ZNF420: variants seen among roughly 807,000 people sequenced by gnomAD.
The protein encoded by ZNF420 is ATM and p53-associated KZNF protein.
A neutral mutation model predicts 44.7 loss-of-function variants in ZNF420; 31 were observed. The observed-to-expected ratio is 0.69, with a 90% CI of 0.52 to 0.94. The LOEUF is 0.94. Among genes scored for constraint, ZNF420 ranks in the 40% least tolerant of loss-of-function variants. ZNF420 has a pLI of 0.00. For missense variants in ZNF420, 681 were observed against 827.9 expected (o/e 0.82, Z 2.18); for synonymous variants, 245 against 267.4 (o/e 0.92, Z 0.82).
At chr19:37,094,184 AT>A (rs1298566293) in intron 4 of ZNF420, among the ~76,000 whole-genome samples, 1 of 151,958 alleles carries the variant, frequency 6.6e-6, no homozygotes, top group Non-Finnish European at 1.5e-5. Flanking sequence ...TTATCTGAGA[AT>A]TTTTTTTAAT....
At chr19:37,040,463 A>G (rs1396156262) in intron 1 of ZNF420, among the ~76,000 whole-genome samples, 1 of 152,146 alleles carries the variant, frequency 6.6e-6, no homozygotes, top group East Asian at 1.9e-4. Flanking sequence ...TTCTTTTTTT[A>G]ATATTATAGA....
chr19:37,017,171 G>A (rs1425179231), intron 1 of ZNF420, among the ~76,000 whole-genome samples: 3 of 152,178 alleles, frequency 2.0e-5, no homozygotes, highest in Non-Finnish European at 4.4e-5. Flanking sequence ...TAATGGAGAG[G>A]ATCATGGGAA....
At chr19:37,044,649 T>C (rs970439667) in intron 1 of ZNF420, among the ~76,000 whole-genome samples, 1 of 152,108 alleles carries the variant, frequency 6.6e-6, no homozygotes, top group Non-Finnish European at 1.5e-5. Flanking sequence ...GCGGATCACC[T>C]GAGGTCAGGA....
intron 1 of ZNF420, among the ~76,000 whole-genome samples, chr19:37,048,765 G>A (rs1267104698): frequency 6.6e-6 from 1 of 151,732 alleles, no homozygotes; most frequent in Non-Finnish European, 1.5e-5. Flanking sequence ...TGTGCACAAC[G>A]TGCAGGTTAG....
intron 1 of ZNF420, among the ~76,000 whole-genome samples, chr19:37,043,957 A>G (rs1967501375): frequency 6.6e-6 from 1 of 152,214 alleles, no homozygotes; most frequent in Admixed American, 6.5e-5. Context: ...GAGAAAGTAC[A>G]AGTAGCCTGT....
chr19:37,008,244 C>CTG lies in ZNF420; in HGVS notation c.-125+174_-125+175dup, dbSNP rs147177906. Among the ~76,000 whole-genome samples, 471 of 151,666 alleles carry CTG rather than the reference C, an allele frequency of 3.1e-3. 1 individual carries two copies. Among genetic ancestry groups the CTG allele is most frequent in the African/African-American group, 0.011 (446 of 41,356 alleles). On this transcript the variant is annotated intron_variant, in intron 1 of 4. Coordinates refer to the ZNF420 transcript ENST00000587029. ...GGGGGGGGATGTTTGTGTACCACTGCTGTGTGTGTGTGTAGTGTGTGTGTG... is the reference window on the plus strand; with the variant it reads ...GGGGGGGGATGTTTGTGTACCACTGCTGTGTGTGTGTGTGTAGTGTGTGTGTG...
chr19:37,036,175 T>C (rs1189372569), intron 1 of ZNF420, among the ~76,000 whole-genome samples: 4 of 152,192 alleles, frequency 2.6e-5, no homozygotes, highest in Non-Finnish European at 4.4e-5. Context: ...AATAGCACAG[T>C]AGCATGACGA....
At chr19:37,111,575 A>G (rs541147469) in intron 4 of ZNF420, 3 of 152,324 alleles carry the variant, frequency 2.0e-5, no homozygotes, top group East Asian at 1.9e-4. Context: ...GTAACAGTCA[A>G]TTAATTTGTC....
intron 1 of ZNF420, among the ~76,000 whole-genome samples, chr19:37,079,095 G>T (rs1376716786): frequency 1.3e-5 from 2 of 152,118 alleles, no homozygotes; most frequent in Admixed American, 1.3e-4. Context: ...ACTGTGTAAA[G>T]AGACTAAAAT....
intron 1 of ZNF420, among the ~76,000 whole-genome samples, chr19:37,022,505 A>G (rs946936672): frequency 6.6e-6 from 1 of 152,182 alleles, no homozygotes; most frequent in East Asian, 1.9e-4. Flanking sequence ...AATGAATTCA[A>G]ATTCAAAAAG....
intron 1 of ZNF420, among the ~76,000 whole-genome samples, chr19:37,058,440 C>T (rs1320736091): frequency 6.6e-6 from 1 of 152,150 alleles, no homozygotes; most frequent in Non-Finnish European, 1.5e-5. Context: ...GGATGGACTG[C>T]CTCCCAGAAC....
chr19:37,036,349 G>C (rs140778225), intron 1 of ZNF420, among the ~76,000 whole-genome samples: 1 of 152,214 alleles, frequency 6.6e-6, no homozygotes, highest in African/African-American at 2.4e-5. Context: ...ATGTACCCTA[G>C]AAATATGTAT....
intron 4 of ZNF420, among the ~76,000 whole-genome samples, chr19:37,106,346 T>C (rs1404338551): frequency 6.6e-6 from 1 of 152,352 alleles, no homozygotes; most frequent in Non-Finnish European, 1.5e-5. Flanking sequence ...GAACCAGCCT[T>C]GCATCCCAGG....
chr19:37,044,405 G>C (rs1422579067), intron 1 of ZNF420, among the ~76,000 whole-genome samples: 3 of 152,034 alleles, frequency 2.0e-5, no homozygotes, highest in African/African-American at 7.2e-5. Flanking sequence ...GATCAACCTG[G>C]GCAACCATTA....
intron 4 of ZNF420, among the ~76,000 whole-genome samples, chr19:37,126,161 T>C (rs908710258): frequency 4.6e-5 from 7 of 152,220 alleles, no homozygotes; most frequent in African/African-American, 1.7e-4. Flanking sequence ...GCTTAATTTG[T>C]ATAATTGCTA....
At chr19:37,104,937 A>G (rs1398145176) in intron 4 of ZNF420, among the ~76,000 whole-genome samples, 1 of 152,128 alleles carries the variant, frequency 6.6e-6, no homozygotes, top group Non-Finnish European at 1.5e-5. Flanking sequence ...ATTTTCTCCC[A>G]TTCTTTAGGT....
At chr19:37,017,549 A>G (rs1410960594) in intron 1 of ZNF420, among the ~76,000 whole-genome samples, 2 of 152,242 alleles carry the variant, frequency 1.3e-5, no homozygotes, top group African/African-American at 4.8e-5. Context: ...TCACATTAAG[A>G]GTGAAGGAAA....
intron 2 of ZNF420, among the ~76,000 whole-genome samples, chr19:37,082,355 G>A (rs972256251): frequency 1.3e-5 from 2 of 152,108 alleles, no homozygotes; most frequent in African/African-American, 4.8e-5. Flanking sequence ...AGTAGAGACG[G>A]GGTTTTGCCA....
chr19:37,081,202 TC>T (rs1262771153), intron 2 of ZNF420, among the ~76,000 whole-genome samples: 2 of 152,180 alleles, frequency 1.3e-5, no homozygotes, highest in African/African-American at 2.4e-5. Flanking sequence ...TTGAGGATCT[TC>T]CAGAGATCTT....
Sources: allele counts gnomAD v4.1 joint callset (sites outside exome capture counted in the v4.1 genomes callset), GRCh38; gene constraint gnomAD v4.1.1; transcripts MANE v1.5; gene names NCBI Gene and HGNC (gene_info 2026-07-23, HGNC 2026-07-21).